The following RUFY3 variants were observed in gnomAD, a reference collection of about 807,000 sequenced individuals.
The protein encoded by RUFY3 is protein RUFY3.
A neutral mutation model predicts 84.0 loss-of-function variants in RUFY3; 34 were observed. The ratio of observed to expected loss-of-function variants is 0.40; its 90% CI spans 0.31 to 0.54. The LOEUF is 0.54. Ranked by LOEUF, RUFY3 falls within the 20% of genes least tolerant of loss-of-function variation. The pLI is 0.39. For missense variants in RUFY3, 507 were observed against 736.8 expected (o/e 0.69, Z 3.61); for synonymous variants, 242 against 252.9 (o/e 0.96, Z 0.41).
At chr4:70,707,221 G>T (rs1342970755) in intron 1 of RUFY3, among the ~76,000 whole-genome samples, 2 of 152,236 alleles carry the variant, frequency 1.3e-5, no homozygotes, top group Non-Finnish European at 2.9e-5. Flanking sequence ...TTTCATGAGC[G>T]TGATCTCAGT....
chr4:70,744,652 GA>G (rs1412708861), intron 1 of RUFY3, among the ~76,000 whole-genome samples: 2 of 138,860 alleles, frequency 1.4e-5, no homozygotes, highest in Non-Finnish European at 3.1e-5. Flanking sequence ...TTCTTATTTT[GA>G]ATTTTTTTTT....
intron 6 of RUFY3, among the ~76,000 whole-genome samples, chr4:70,774,474 G>T (rs540791424): frequency 6.7e-6 from 1 of 149,696 alleles, no homozygotes; most frequent in South Asian, 2.1e-4. Context: ...AAATAGCCAG[G>T]CATTATGGCG....
At chr4:70,795,842 A>G (rs1731435306) in intron 14 of RUFY3, among the ~76,000 whole-genome samples, 1 of 152,208 alleles carries the variant, frequency 6.6e-6, no homozygotes, top group Non-Finnish European at 1.5e-5. Context: ...GGAAACAAAA[A>G]GAAATCAGAG....
intron 1 of RUFY3, chr4:70,734,418 A>G (rs924263671): frequency 2.0e-6 from 2 of 985,292 alleles, no homozygotes; most frequent in African/African-American, 1.7e-5. Context: ...TTACACTGTC[A>G]GGTTCTCTGA....
intron 5 of RUFY3, among the ~76,000 whole-genome samples, chr4:70,769,982 T>C (rs113557272): frequency 0.021 from 3,143 of 152,030 alleles, 116 homozygotes; most frequent in East Asian, 0.16. Flanking sequence ...CCACCACACC[T>C]AGCTAATTTT....
intron 4 of RUFY3, among the ~76,000 whole-genome samples, chr4:70,768,153 G>T (rs114348799): frequency 0.011 from 1,628 of 152,272 alleles, 25 homozygotes; most frequent in African/African-American, 0.037. Flanking sequence ...AATGTTTTAA[G>T]ATGCATAAAA....
At chr4:70,791,887 C>T in intron 12 of RUFY3, 1 of 985,004 alleles carries the variant, frequency 1.0e-6, no homozygotes, top group Non-Finnish European at 1.2e-6. Flanking sequence ...TTGCTTGCAA[C>T]TTTTTTTGCC....
In RUFY3 at chr4:70,712,720, G is replaced by A. The variant is rs892889172; in HGVS notation, c.358+7426G>A. 3.3e-5 allele frequency among the ~76,000 whole-genome samples: 5 copies of A among 152,084 alleles called. No homozygotes were observed. In the East Asian group the frequency reaches 9.7e-4, roughly 29 times the overall value. On this transcript the variant is annotated intron_variant, in intron 1 of 11. Transcript: ENST00000417478. The stretch of plus-strand genomic sequence containing the variant: ...AACTGGATGAAATAATTTTTTTGTT[G>A]GCAATATTTTTCAAAATTCCTTAAA...
At chr4:70,767,765 G>A (rs1273123431) in intron 4 of RUFY3, among the ~76,000 whole-genome samples, 3 of 151,748 alleles carry the variant, frequency 2.0e-5, no homozygotes, top group South Asian at 2.1e-4. Context: ...TGCAACCTCC[G>A]CCTCCTGTGT....
chr4:70,740,281 A>T (rs767007826), intron 1 of RUFY3, among the ~76,000 whole-genome samples: 7 of 152,190 alleles, frequency 4.6e-5, no homozygotes, highest in Admixed American at 3.3e-4. Context: ...AATTAATTGC[A>T]TCACTCTGAT....
chr4:70,801,499 C>G (rs77884586), intron 15 of RUFY3, among the ~76,000 whole-genome samples: 1 of 152,092 alleles, frequency 6.6e-6, no homozygotes, highest in Non-Finnish European at 1.5e-5. Context: ...GACTGTGAAC[C>G]TAACTGCTCT....
chr4:70,787,168 GAAA>G lies in RUFY3; in HGVS notation c.1072-1620_1072-1618del, dbSNP rs71211959. ...GGTGACAAAGTGAGACCCTGTCTCA[GAAA>G]AAAAAAAAAAAAAAAAATATATATA... On this transcript the variant is annotated intron_variant, in intron 10 of 17. Transcript: ENST00000381006. Among the ~76,000 whole-genome samples, 381 of 52,908 alleles carry G rather than the reference GAAA, an allele frequency of 7.2e-3. 1 individual carries two copies. The highest frequency in any genetic ancestry group is 0.027 in the African/African-American group (309 of 11,456). The allele number at this position is 52,908 out of a possible 152,430, so 34.7% of individuals were successfully genotyped here.
At chr4:70,734,830 A>G (rs1720024547) in intron 1 of RUFY3, among the ~76,000 whole-genome samples, 2 of 152,188 alleles carry the variant, frequency 1.3e-5, no homozygotes, top group Admixed American at 1.3e-4. Flanking sequence ...GCTTCAGTGC[A>G]CTGTCATTAA....
intron 3 of RUFY3, 76 bp downstream of exon 3, chr4:70,763,745 C>T (rs1007406569): frequency 4.6e-5 from 70 of 1,506,774 alleles, no homozygotes; most frequent in Non-Finnish European, 6.2e-5. Context: ...AGACTAAAGA[C>T]AATTATGTAC....
exon 1 of RUFY3, chr4:70,705,236 C>A: frequency 6.8e-7 from 1 of 1,461,206 alleles, no homozygotes; most frequent in Admixed American, 2.5e-5. Context: ...CACCGCTGCC[C>A]TTCCTGCTGC....
At chr4:70,705,079 C>T (rs1257702761) in exon 1 of RUFY3, 3 of 1,305,314 alleles carry the variant, frequency 2.3e-6, no homozygotes, top group Non-Finnish European at 2.9e-6. Flanking sequence ...GGGCCGCCGC[C>T]GGCCTCCCCC....
At chr4:70,785,429 T>C (rs779589509) in intron 10 of RUFY3, among the ~76,000 whole-genome samples, 1 of 152,032 alleles carries the variant, frequency 6.6e-6, no homozygotes, top group African/African-American at 2.4e-5. Context: ...TATCAAAAAA[T>C]TGAAGGATAA....
chr4:70,739,664 A>G (rs976833615), intron 1 of RUFY3, among the ~76,000 whole-genome samples: 4 of 152,194 alleles, frequency 2.6e-5, no homozygotes, highest in Non-Finnish European at 5.9e-5. Context: ...GAGATTTCAC[A>G]ACCATGGATA....
intron 1 of RUFY3, among the ~76,000 whole-genome samples, chr4:70,733,105 A>G (rs1442641064): frequency 1.9e-4 from 16 of 85,326 alleles, no homozygotes; most frequent in East Asian, 4.1e-4. Flanking sequence ...GGAGAGAGAG[A>G]GAGAGAGAGA....
Sources: gnomAD v4.1 joint callset for allele counts (sites outside exome capture counted in the v4.1 genomes callset) on GRCh38, gnomAD v4.1.1 for gene constraint, MANE v1.5 for transcripts, NCBI Gene and HGNC (gene_info 2026-07-23, HGNC 2026-07-21) for gene names.